Variants in CUX1 observed in about 807,000 individuals in gnomAD.
The protein encoded by CUX1 is protein CASP.
Under a neutral mutation model 158.8 loss-of-function variants are expected in CUX1, and 31 were observed. The observed-to-expected ratio is 0.20, with a 90% CI of 0.15 to 0.26. The LOEUF (loss-of-function observed/expected upper bound fraction) is 0.26. CUX1 is among the 10% of genes least tolerant of loss of function. The pLI is 1.00. For synonymous variants in CUX1, 879 were observed against 862.1 expected (o/e 1.02, Z -0.34); for missense variants, 1,589 against 2,014.6 (o/e 0.79, Z 4.04).
rs553204925 is a variant in CUX1 at position 102,200,948 on chromosome 7, G to A, written c.2063-412G>A. 8.0e-5 allele frequency among the ~76,000 whole-genome samples: 12 copies of A among 150,176 alleles called. No homozygotes were observed. In the South Asian group the frequency reaches 1.5e-3, roughly 19 times the overall value. On this transcript the variant is annotated intron_variant, in intron 17 of 23. Coordinates refer to ENST00000292535, the MANE Select transcript of CUX1 (RefSeq NM_181552.4). Reference sequence around the variant, plus strand: ...TGAGCTGGGAGGATTGCTTGAGCCAGGGAGGTGGAGGGTGGGTACAGTGAG... The same window carrying A: ...TGAGCTGGGAGGATTGCTTGAGCCAAGGAGGTGGAGGGTGGGTACAGTGAG...
intron 10 of CUX1, among the ~76,000 whole-genome samples, chr7:102,173,259 C>G (rs1321006472): frequency 6.6e-6 from 1 of 152,274 alleles, no homozygotes; most frequent in South Asian, 2.1e-4. Context: ...ACTCAGGAGG[C>G]TGAGGTAGGA....
In CUX1 at chr7:102,255,590, C is replaced by A. The variant is rs753964169; in HGVS notation, c.*6548C>A. 245 of 985,348 alleles carry A rather than the reference C, an allele frequency of 2.5e-4. 1 individual carries two copies. Among genetic ancestry groups the A allele is most frequent in the Middle Eastern group, 5.2e-4 (1 of 1,914 alleles). 61.0% of individuals were successfully genotyped at this position (985,348 alleles called of 1,614,324 possible). ...TTCTGTAGTGTTTACGCTTTAATTT[C>A]TACCACAAAATATGCTATATGCTAT... On this transcript the variant is annotated 3_prime_UTR_variant, in exon 24 of 24. Coordinates refer to ENST00000292535, the MANE Select transcript of CUX1 (RefSeq NM_181552.4).
chr7:102,273,195 A>G (rs1791353829), intron 14 of CUX1, among the ~76,000 whole-genome samples: 1 of 152,122 alleles, frequency 6.6e-6, no homozygotes, highest in Non-Finnish European at 1.5e-5. Flanking sequence ...AGGAGGCCCT[A>G]GGTCTAATGG....
intron 2 of CUX1, among the ~76,000 whole-genome samples, chr7:101,949,708 T>G (rs1369393738): frequency 6.6e-6 from 1 of 151,852 alleles, no homozygotes; most frequent in African/African-American, 2.4e-5. Context: ...TTTTTGTATT[T>G]TTAGTAGAGA....
chr7:102,131,223 C>T (rs965565280), intron 8 of CUX1, among the ~76,000 whole-genome samples: 1 of 151,872 alleles, frequency 6.6e-6, no homozygotes, highest in Non-Finnish European at 1.5e-5. Context: ...AATTTCCGAT[C>T]GATTTTTCCA....
chr7:101,932,399 A>G (rs1806390910), intron 2 of CUX1: 1 of 347,100 alleles, frequency 2.9e-6, no homozygotes, highest in Non-Finnish European at 5.8e-6. Context: ...AGCCTTCTCC[A>G]GGGAGGAATT....
chr7:102,128,383 G>A (rs10259857), intron 8 of CUX1, among the ~76,000 whole-genome samples: 35,464 of 151,746 alleles, frequency 0.23, 4,482 homozygotes, highest in Non-Finnish European at 0.29. Flanking sequence ...TCCCTCGGCC[G>A]CAGCACCGGA....
chr7:101,853,114 G>A (rs1207533163), intron 1 of CUX1, among the ~76,000 whole-genome samples: 1 of 152,058 alleles, frequency 6.6e-6, no homozygotes, highest in Non-Finnish European at 1.5e-5. Flanking sequence ...CTAAGAATCA[G>A]AGCTTTGCCA....
At chr7:102,113,834 G>A (rs576573687) in intron 7 of CUX1, among the ~76,000 whole-genome samples, 1 of 152,100 alleles carries the variant, frequency 6.6e-6, no homozygotes, top group Non-Finnish European at 1.5e-5. Context: ...CCAAAATGCT[G>A]GGGGATTACA....
In CUX1 at chr7:102,253,811, G is replaced by T. The variant is rs1050736005; in HGVS notation, c.*4769G>T. 23 of 985,558 alleles carry T rather than the reference G, an allele frequency of 2.3e-5. No homozygotes were observed. The South Asian group carries it at 9.9e-4, about 42-fold the overall frequency. The allele number at this position is 985,558 out of a possible 1,614,324, so 61.1% of individuals were successfully genotyped here. A position where few individuals can be genotyped will look rare whatever the true frequency, so the allele number is the denominator to read the frequency against. On this transcript the variant is annotated 3_prime_UTR_variant, in exon 24 of 24. Coordinates refer to ENST00000292535, the MANE Select transcript of CUX1 (RefSeq NM_181552.4). ...TAGCAACACGGGGCATGAGCGGTGG[G>T]CGTGCTGGGCTATTTGCTGTGGTAC... is the stretch of plus-strand genomic sequence containing the variant.
chr7:101,927,801 A>C (rs1585005683), intron 2 of CUX1, among the ~76,000 whole-genome samples: 1 of 152,364 alleles, frequency 6.6e-6, no homozygotes, highest in Admixed American at 6.5e-5. Flanking sequence ...TTAGGTAATT[A>C]ACGAGGAGCT....
chr7:101,873,827 C>T (rs558820774), intron 1 of CUX1, among the ~76,000 whole-genome samples: 3 of 152,254 alleles, frequency 2.0e-5, no homozygotes, highest in African/African-American at 4.8e-5. Context: ...TCAGGTGATC[C>T]GCCTGCCTCA....
At chr7:102,047,240 G>A (rs763208356) in intron 3 of CUX1, among the ~76,000 whole-genome samples, 22 of 152,100 alleles carry the variant, frequency 1.4e-4, no homozygotes, top group Non-Finnish European at 2.6e-4. Context: ...AAGTGATGGT[G>A]GATGGGTGGA....
At chr7:101,903,004 AAG>A (rs1383192168) in intron 1 of CUX1, among the ~76,000 whole-genome samples, 1 of 152,158 alleles carries the variant, frequency 6.6e-6, no homozygotes, top group Non-Finnish European at 1.5e-5. Context: ...AGAATAATAG[AAG>A]GCATGAAGTC....
chr7:102,190,270 C>T (rs1234013619), intron 12 of CUX1, among the ~76,000 whole-genome samples: 1 of 152,238 alleles, frequency 6.6e-6, no homozygotes, highest in Non-Finnish European at 1.5e-5. Context: ...CCCCGGCCTC[C>T]TGGACTCAGG....
In CUX1 at chr7:101,876,218, G is replaced by A. The variant is rs142278498; in HGVS notation, c.31-39897G>A. Among the ~76,000 whole-genome samples the A allele has an allele frequency of 5.2e-3, 790 of 151,514 alleles. 11 individuals carry two copies. Among genetic ancestry groups the A allele is most frequent in the African/African-American group, 0.018 (740 of 41,262 alleles). Reference sequence around the variant, plus strand: ...AAATTAACCAGGTGTGGTGGCACACGCTTGTAGTCCCAGCTACTCTGGAGG... The same window carrying A: ...AAATTAACCAGGTGTGGTGGCACACACTTGTAGTCCCAGCTACTCTGGAGG... On this transcript the variant is annotated intron_variant, in intron 1 of 23. Coordinates refer to ENST00000292535, the MANE Select transcript of CUX1 (RefSeq NM_181552.4).
Position 102,201,915 on chromosome 7 carries a change from C to T in CUX1, c.2618C>T (p.Pro873Leu), listed in dbSNP as rs1411592276. 1 of 1,613,916 alleles carries T rather than the reference C, an allele frequency of 6.2e-7. No homozygotes were observed. Among genetic ancestry groups the T allele is most frequent in the Non-Finnish European group, 8.5e-7 (1 of 1,180,034 alleles). ...PRAERSQLQG[P>L]SSSEYWKEWP... ...GCCGAGCGCAGTCAGCTCCAGGGAC[C>T]CTCGTCGTCAGAGTACTGGAAGGAG... Residue 873 changes from proline to leucine, a missense_variant, in exon 18 of 24, where the codon CCC becomes CTC. Pro to Leu is a moderately conservative substitution (Grantham distance 98). Around this residue, in one of 8 missense-constraint regions of CUX1, gnomAD observed 337 missense variants for 409.3 expected, o/e 0.82. Coordinates refer to ENST00000292535, the MANE Select transcript of CUX1 (RefSeq NM_181552.4). This position sits in a 1 kb window ranked among gnomAD's most constrained non-coding sequence, Gnocchi z 5.0.
At chr7:102,070,829 C>T (rs1167159718) in intron 4 of CUX1, among the ~76,000 whole-genome samples, 1 of 152,210 alleles carries the variant, frequency 6.6e-6, no homozygotes, top group South Asian at 2.1e-4. Context: ...CGCTCCCCTG[C>T]CAGGTCATCC....
intron 2 of CUX1, among the ~76,000 whole-genome samples, chr7:101,944,261 G>A (rs1202178453): frequency 6.6e-6 from 1 of 152,194 alleles, no homozygotes; most frequent in Non-Finnish European, 1.5e-5. Flanking sequence ...GTGGGAAGGG[G>A]CAGGAGGGGT....
Sources: allele counts gnomAD v4.1 joint callset (sites outside exome capture counted in the v4.1 genomes callset), GRCh38; gene constraint gnomAD v4.1.1; regional missense constraint gnomAD v4.1.1; non-coding constraint Gnocchi (gnomAD v3.1); transcripts MANE v1.5; gene names NCBI Gene and HGNC (gene_info 2026-07-23, HGNC 2026-07-21).